Variants in ATG2B observed in about 807,000 individuals in gnomAD.
The protein encoded by ATG2B is autophagy related 2B.
ATG2B carries 121 observed loss-of-function variants against 241.3 expected under a neutral mutation model. The observed-to-expected ratio is 0.50, with a 90% CI of 0.43 to 0.58. The LOEUF is 0.58. Among genes scored for constraint, ATG2B ranks in the 20% least tolerant of loss-of-function variants. The pLI is 0.00. For synonymous variants in ATG2B, 858 were observed against 876.6 expected (o/e 0.98, Z 0.37); for missense variants, 2,306 against 2,491.6 (o/e 0.93, Z 1.59).
At chr14:96,328,001 A>G (rs2139876466) in intron 14 of ATG2B, among the ~76,000 whole-genome samples, 1 of 152,262 alleles carries the variant, frequency 6.6e-6, no homozygotes, top group East Asian at 1.9e-4. Context: ...TATTTTTAGT[A>G]GAGACAGAGT....
At chr14:96,351,599 G>A (rs1888322578) in intron 1 of ATG2B, among the ~76,000 whole-genome samples, 1 of 152,038 alleles carries the variant, frequency 6.6e-6, no homozygotes, top group Non-Finnish European at 1.5e-5. Context: ...AGCCAGGCAT[G>A]GTGGCCCACG....
At chr14:96,323,820 G>A (rs187300889) in intron 16 of ATG2B, 76 bp downstream of exon 16, 39 of 968,928 alleles carry the variant, frequency 4.0e-5, no homozygotes, top group African/African-American at 4.0e-4. Flanking sequence ...ATATTTAATA[G>A]ACAAAATGTT....
At chr14:96,340,122 T>TATATATTC (rs1887982841) in intron 6 of ATG2B, among the ~76,000 whole-genome samples, 2 of 14,382 alleles carry the variant, frequency 1.4e-4, no homozygotes, top group African/African-American at 3.7e-4. Flanking sequence ...TATATATGAA[T>TATATATTC]ATATATATCA....
chr14:96,352,234 T>C (rs1307139260), intron 1 of ATG2B, among the ~76,000 whole-genome samples: 1 of 152,182 alleles, frequency 6.6e-6, no homozygotes, highest in Non-Finnish European at 1.5e-5. Flanking sequence ...TAAATAAACC[T>C]CTTGCTCTGC....
intron 1 of ATG2B, among the ~76,000 whole-genome samples, chr14:96,348,544 G>A (rs1177557835): frequency 2.0e-5 from 3 of 151,848 alleles, no homozygotes; most frequent in South Asian, 2.1e-4. Context: ...TTAGCCAGGC[G>A]TGGTAGGACG....
In ATG2B at chr14:96,316,340, T is replaced by C. The variant is rs544347196; in HGVS notation, c.3361+193A>G. 2.1e-3 allele frequency among the ~76,000 whole-genome samples: 326 copies of C among 152,318 alleles called. 1 individual carries two copies. Among genetic ancestry groups the C allele is most frequent in the African/African-American group, 7.6e-3 (314 of 41,580 alleles). On this transcript the variant is annotated intron_variant, in intron 21 of 41. Transcript: ENST00000359933. ...ATGAGTATGGTGTGTGAATTATACC[T>C]CAACAAAGCTATTGCAAAAAAAGAA...
intron 1 of ATG2B, 147 bp from the exon 2 acceptor site, chr14:96,347,488 A>G (rs1191334909): frequency 3.7e-6 from 2 of 544,754 alleles, no homozygotes; most frequent in Non-Finnish European, 3.1e-6. Flanking sequence ...CAATCAAAGC[A>G]AAAGTGGACA....
In ATG2B at chr14:96,285,764, C is replaced by G. The variant is rs1886317081; in HGVS notation, c.6228G>C (p.Gly2076=). The change falls in exon 42 of 42, where the codon GGG becomes GGC. Residue 2076 remains glycine, a synonymous_variant. Coordinates refer to ENST00000359933, the MANE Select transcript of ATG2B (RefSeq NM_018036.7). This position sits in a 1 kb window ranked among gnomAD's most constrained non-coding sequence, Gnocchi z 4.2. ...RQDESQKWRH[G]DD is the part of the protein sequence containing the mutation. ...TGTCAGTTCCAAGCCATCAGTCATCCCCGTGGCGCCATTTCTGTGACTCGT... is the reference window on the plus strand; with the variant it reads ...TGTCAGTTCCAAGCCATCAGTCATCGCCGTGGCGCCATTTCTGTGACTCGT... The G allele has an allele frequency of 1.9e-6, 3 of 1,613,802 alleles. No individual in the cohort carries two copies. Among genetic ancestry groups the G allele is most frequent in the Non-Finnish European group, 2.5e-6 (3 of 1,179,984 alleles).
intron 1 of ATG2B, among the ~76,000 whole-genome samples, chr14:96,361,959 T>C (rs1338388499): frequency 2.6e-5 from 4 of 152,192 alleles, no homozygotes; most frequent in Non-Finnish European, 5.9e-5. Flanking sequence ...AGTCACTCTA[T>C]TCCTGTCAAA....
Position 96,295,174 on chromosome 14 carries a change from A to C in ATG2B, c.5219-7T>G. Reference sequence around the variant, plus strand: ...GCTCCAGGAGACTTTTTAACTGAAAATGTAATGTGCATGTTTGAAAAATTA... The same window carrying C: ...GCTCCAGGAGACTTTTTAACTGAAACTGTAATGTGCATGTTTGAAAAATTA... On this transcript the variant is annotated splice_region_variant and splice_polypyrimidine_tract_variant and intron_variant, in intron 35 of 41. Transcript: ENST00000359933. 1.2e-6 allele frequency: 2 copies of C among 1,611,564 alleles called. No individual in the cohort carries two copies. Among genetic ancestry groups the C allele is most frequent in the Non-Finnish European group, 1.7e-6 (2 of 1,177,968 alleles).
Position 96,316,562 on chromosome 14 carries a change from T to C in ATG2B, c.3332A>G (p.His1111Arg). 6.2e-7 allele frequency: 1 copy of C among 1,613,712 alleles called. No homozygotes were observed. The highest frequency in any genetic ancestry group is 1.1e-5 in the South Asian group (1 of 91,024). Residue 1111 changes from histidine to arginine, a missense_variant, in exon 21 of 42, where the codon CAT becomes CGT. His to Arg is a conservative substitution (Grantham distance 29). Transcript: ENST00000359933. ...ATGGTACAGACTGAAACTGCTAGAA[T>C]GAAGGCAAATGTAGTGCTTGTCATC... ...GFDDKHYICL[H>R]SSSFSLYHKG...
chr14:96,320,242 T>A (rs968503784), intron 18 of ATG2B, among the ~76,000 whole-genome samples: 1 of 152,206 alleles, frequency 6.6e-6, no homozygotes, highest in African/African-American at 2.4e-5. Flanking sequence ...AGTGGAGTTA[T>A]ATATTTCATA....
intron 1 of ATG2B, among the ~76,000 whole-genome samples, chr14:96,351,610 C>T (rs1888323232): frequency 6.6e-6 from 1 of 152,052 alleles, no homozygotes; most frequent in African/African-American, 2.4e-5. Context: ...GTGGCCCACG[C>T]CTTTAATCCC....
Position 96,284,219 on chromosome 14 carries a change from C to T in ATG2B, c.*1536G>A, listed in dbSNP as rs1886275895. ...AGCACGCCTTCCTGTTAGTGTGTCGCCAGGACCAGGCTCTACCCGAATAAG... is the reference window on the plus strand; with the variant it reads ...AGCACGCCTTCCTGTTAGTGTGTCGTCAGGACCAGGCTCTACCCGAATAAG... On this transcript the variant is annotated 3_prime_UTR_variant, in exon 42 of 42. Transcript: ENST00000359933. 1 of 152,196 alleles carries T rather than the reference C, an allele frequency of 6.6e-6. No homozygotes were observed. The highest frequency in any genetic ancestry group is 6.5e-5 in the Admixed American group (1 of 15,288). 9.4% of individuals were successfully genotyped at this position (152,196 alleles called of 1,614,324 possible).
At chr14:96,357,232 A>T (rs1888500875) in intron 1 of ATG2B, among the ~76,000 whole-genome samples, 1 of 151,968 alleles carries the variant, frequency 6.6e-6, no homozygotes, top group African/African-American at 2.4e-5. Context: ...CTTCTGTAAC[A>T]CTTCACTCTC....
At chr14:96,317,425 G>A in intron 19 of ATG2B, 108 bp from the exon 20 acceptor site, 1 of 968,320 alleles carries the variant, frequency 1.0e-6, no homozygotes, top group Non-Finnish European at 1.5e-6. Flanking sequence ...CAAAGAATAT[G>A]GTGTGAACAC....
chr14:96,302,013 A>G lies in ATG2B; in HGVS notation c.5133T>C (p.Ile1711=). The G allele has an allele frequency of 6.2e-7, 1 of 1,613,436 alleles. No individual in the cohort carries two copies. Among genetic ancestry groups the G allele is most frequent in the Non-Finnish European group, 8.5e-7 (1 of 1,179,526 alleles). The part of the protein sequence containing the change: ...RVSLMPLRLN[I]DQDALFFLKD... ...TCACGCTCATGCTACAAACCTGGTC[A>G]ATATTGAGGCGGAGCGGCATCAGCG... The change falls in exon 34 of 42, where the codon ATT becomes ATC. Residue 1711 remains isoleucine, a synonymous_variant. Coordinates refer to ENST00000359933, the MANE Select transcript of ATG2B (RefSeq NM_018036.7).
Position 96,323,949 on chromosome 14 carries a change from C to T in ATG2B, c.2487G>A (p.Val829=). ...KGDPSIKFFH[V]SSGVDGDTTS... ...TTGTATCTCCATCTACTCCACTAGA[C>T]ACATGGAAAAACTTAATAGATGGAT... Residue 829 remains valine (V), a synonymous_variant, in exon 16 of 42, where the codon GTG becomes GTA. Transcript: ENST00000359933. 1 of 1,611,592 alleles carries T rather than the reference C, an allele frequency of 6.2e-7. No homozygotes were observed. Among genetic ancestry groups the T allele is most frequent in the South Asian group, 1.1e-5 (1 of 90,520 alleles).
chr14:96,344,209 T>C (rs936544320), intron 4 of ATG2B, among the ~76,000 whole-genome samples: 4 of 152,252 alleles, frequency 2.6e-5, no homozygotes, highest in African/African-American at 9.6e-5. Flanking sequence ...AAATAATCCG[T>C]AGAGGATCCT....
Sources: gnomAD v4.1 joint callset for allele counts (sites outside exome capture counted in the v4.1 genomes callset) on GRCh38, gnomAD v4.1.1 for gene constraint, Gnocchi (gnomAD v3.1) non-coding constraint, MANE v1.5 for transcripts, NCBI Gene and HGNC (gene_info 2026-07-23, HGNC 2026-07-21) for gene names.